Variants in CPLX1 observed in about 807,000 individuals in gnomAD.
The protein encoded by CPLX1 is complexin-1.
Under a neutral mutation model 15.6 loss-of-function variants are expected in CPLX1, and 6 were observed. The observed-to-expected ratio is 0.39, with a 90% CI of 0.21 to 0.76. CPLX1 has a LOEUF of 0.76. Ranked by LOEUF, CPLX1 falls within the 30% of genes least tolerant of loss-of-function variation. CPLX1 has a pLI of 0.43. For synonymous variants in CPLX1, 91 were observed against 75.2 expected (o/e 1.21, Z -1.08); for missense variants, 242 against 188.6 (o/e 1.28, Z -1.66).
At position 818,193 on chromosome 4, in the gene CPLX1, C is replaced by T. The variant is rs776139583; in HGVS notation, c.31+6299G>A. On this transcript the variant is annotated intron_variant, in intron 2 of 3. Coordinates refer to ENST00000304062, the MANE Select transcript of CPLX1 (RefSeq NM_006651.4). The stretch of plus-strand genomic sequence containing the variant: ...GCACAGGTCCAAGCCAAGCCTGGTT[C>T]GCCCCAGCCCTTGGGGAGGGGAGGC... 3.3e-5 allele frequency among the ~76,000 whole-genome samples: 5 copies of T among 152,328 alleles called. No individual in the cohort carries two copies. The South Asian group carries it at 8.3e-4, about 25-fold the overall frequency.
In CPLX1 at chr4:798,998, G is replaced by GAT. The variant is rs140319629; in HGVS notation, c.32-6392_32-6391dup. ...TTTTTGCTCTTCTGCGATATTATGA[G>GAT]ATATATATATATGTTTTCATCTATG... is the stretch of plus-strand genomic sequence containing the variant. On this transcript the variant is annotated intron_variant, in intron 2 of 3. Transcript: ENST00000304062. Among the ~76,000 whole-genome samples, 464 of 152,150 alleles carry GAT rather than the reference G, an allele frequency of 3.0e-3. 15 individuals are homozygous for GAT. The East Asian group carries it at 0.049, about 16-fold the overall frequency.
intron 3 of CPLX1, among the ~76,000 whole-genome samples, chr4:789,458 G>A (rs944391257): frequency 4.6e-5 from 7 of 152,372 alleles, no homozygotes; most frequent in Admixed American, 3.3e-4. Flanking sequence ...GGACCAAACA[G>A]CCAGCATTCA....
chr4:787,202 C>A, intron 3 of CPLX1: 2 of 985,380 alleles, frequency 2.0e-6, no homozygotes, highest in Non-Finnish European at 2.4e-6. Flanking sequence ...AGGGCCACTC[C>A]CTGGCAGGCC....
At chr4:823,922 C>T (rs1367117946) in intron 2 of CPLX1, among the ~76,000 whole-genome samples, 1 of 152,264 alleles carries the variant, frequency 6.6e-6, no homozygotes, top group African/African-American at 2.4e-5. Flanking sequence ...GACACACAAG[C>T]TGTTTCGGGC....
chr4:803,010 A>T (rs868110945), intron 2 of CPLX1, among the ~76,000 whole-genome samples: 1 of 152,208 alleles, frequency 6.6e-6, no homozygotes, highest in African/African-American at 2.4e-5. Context: ...GTCTGAACTT[A>T]GGGTCCAGGG....
chr4:824,498 G>C lies in CPLX1; in HGVS notation c.25C>G (p.Leu9Val), dbSNP rs1368978414. MEFVMKQA[L>V]GGATKDMGKM... ...CCCACCTCCCGCTTCCTACCTCCTA[G>C]AGCCTGCTTCATCACAAACTCCATG... Residue 9 changes from leucine to valine, a missense_variant, in exon 2 of 4, where the codon CTA becomes GTA. Leu to Val is a conservative substitution (Grantham distance 32). Coordinates refer to ENST00000304062, the MANE Select transcript of CPLX1 (RefSeq NM_006651.4). 8.7e-6 allele frequency: 14 copies of C among 1,612,598 alleles called. No individual in the cohort carries two copies. Among genetic ancestry groups the C allele is most frequent in the Non-Finnish European group, 1.2e-5 (14 of 1,179,660 alleles).
intron 3 of CPLX1, among the ~76,000 whole-genome samples, chr4:791,757 GCCCCAGGCAGCA>G (rs1054673595): frequency 1.3e-4 from 20 of 152,282 alleles, no homozygotes; most frequent in African/African-American, 4.3e-4. Flanking sequence ...TGAGCACTGC[GCCCCAGGCAGCA>G]CCCCAGGCCC....
intron 2 of CPLX1, 141 bp from the exon 3 acceptor site, chr4:792,749 C>T (rs543655831): frequency 1.2e-6 from 1 of 858,120 alleles, no homozygotes; most frequent in South Asian, 1.8e-5. Context: ...CACCACCCTC[C>T]AGCCGCTCCT....
intron 3 of CPLX1, chr4:788,103 A>C: frequency 1.0e-6 from 1 of 985,402 alleles, no homozygotes; most frequent in Non-Finnish European, 1.2e-6. Context: ...CACCAGCCAC[A>C]GGGAGGGGCC....
chr4:819,403 C>G (rs1159999862), intron 2 of CPLX1, among the ~76,000 whole-genome samples: 5 of 152,246 alleles, frequency 3.3e-5, no homozygotes, highest in Non-Finnish European at 7.3e-5. Context: ...TCCCAGAAAT[C>G]TGGGATAAGA....
intron 2 of CPLX1, among the ~76,000 whole-genome samples, chr4:805,245 A>G (rs1311106863): frequency 1.3e-5 from 2 of 152,256 alleles, no homozygotes; most frequent in African/African-American, 4.8e-5. Flanking sequence ...ATGTATGAAT[A>G]TACCCCTGTT....
At chr4:802,315 T>C (rs1467091773) in intron 2 of CPLX1, among the ~76,000 whole-genome samples, 1 of 152,230 alleles carries the variant, frequency 6.6e-6, no homozygotes, top group South Asian at 2.1e-4. Flanking sequence ...TTTAATTTCA[T>C]GTATGTACAT....
chr4:800,825 A>ATG lies in CPLX1; in HGVS notation c.32-8219_32-8218dup, dbSNP rs112615162. 1.6e-3 allele frequency among the ~76,000 whole-genome samples: 233 copies of ATG among 146,966 alleles called. 1 individual carries two copies. The highest frequency in any genetic ancestry group is 2.2e-3 in the Non-Finnish European group (144 of 66,796). ...CACACACGTATGTATATATAAATAT[A>ATG]TGTGTGTGTGTGTGTATATATATGT... is the stretch of plus-strand genomic sequence containing the variant. On this transcript the variant is annotated intron_variant, in intron 2 of 3. Transcript: ENST00000304062.
intron 2 of CPLX1, among the ~76,000 whole-genome samples, chr4:794,206 C>CTTCA (rs1746267535): frequency 6.6e-6 from 1 of 152,248 alleles, no homozygotes; most frequent in Non-Finnish European, 1.5e-5. Flanking sequence ...GTGCTCTGGG[C>CTTCA]TGAAGGTGTC....
chr4:792,540 C>T lies in CPLX1; in HGVS notation c.100G>A (p.Glu34Lys). The T allele has an allele frequency of 6.2e-7, 1 of 1,613,498 alleles. No individual in the cohort carries two copies. The highest frequency in any genetic ancestry group is 8.5e-7 in the Non-Finnish European group (1 of 1,179,722). Residue 34 changes from glutamate to lysine, a missense_variant, in exon 3 of 4, where the codon GAG (glutamate) becomes AAG (lysine). By Grantham distance (56) the Glu-to-Lys change is moderately conservative. Transcript: ENST00000304062. ...EEKDPDAAKK[E>K]EERQEALRQA... ...CGCAGCGCCTCCTGCCGCTCCTCCT[C>T]CTTCTTGGCGGCGTCTGGGTCCTTC...
chr4:821,974 C>T (rs559483754), intron 2 of CPLX1, among the ~76,000 whole-genome samples: 12 of 152,338 alleles, frequency 7.9e-5, no homozygotes, highest in African/African-American at 2.9e-4. Flanking sequence ...TCTTCCTCCT[C>T]TCTGCTGCAC....
intron 2 of CPLX1, among the ~76,000 whole-genome samples, chr4:794,906 C>G (rs1228436309): frequency 6.6e-6 from 1 of 152,204 alleles, no homozygotes; most frequent in East Asian, 1.9e-4. Flanking sequence ...ATTTATAGAG[C>G]ACCAGGTGTG....
At chr4:789,555 G>C (rs115080888) in intron 3 of CPLX1, among the ~76,000 whole-genome samples, 1 of 152,332 alleles carries the variant, frequency 6.6e-6, no homozygotes, top group African/African-American at 2.4e-5. Context: ...TGGGCCCTCA[G>C]AAGGCCCGTG....
chr4:802,266 A>G (rs1217776106), intron 2 of CPLX1, among the ~76,000 whole-genome samples: 1 of 152,242 alleles, frequency 6.6e-6, no homozygotes, highest in Non-Finnish European at 1.5e-5. Context: ...GAGAATCTCA[A>G]AGTCTTTATG....
Sources: allele counts gnomAD v4.1 joint callset (sites outside exome capture counted in the v4.1 genomes callset), GRCh38; gene constraint gnomAD v4.1.1; transcripts MANE v1.5; gene names NCBI Gene and HGNC (gene_info 2026-07-23, HGNC 2026-07-21).